Variants in STK32B observed in about 807,000 individuals in gnomAD.
STK32B encodes serine/threonine kinase 32B.
A neutral mutation model predicts 52.6 loss-of-function variants in STK32B; 43 were observed. That is an observed-to-expected ratio of 0.82 (90% CI 0.64 to 1.05). The LOEUF (loss-of-function observed/expected upper bound fraction) is 1.05. Ranked by LOEUF, STK32B falls within the 50% of genes least tolerant of loss-of-function variation. STK32B has a pLI of 0.00. For missense variants in STK32B, 621 were observed against 534.6 expected, an observed-to-expected ratio of 1.16 and a Z score of -1.59; for synonymous variants, 238 against 204.3, an observed-to-expected ratio of 1.17 and a Z score of -1.41.
At chr4:5,260,471 G>A (rs1042818009) in intron 3 of STK32B, among the ~76,000 whole-genome samples, 4 of 152,156 alleles carry the variant, frequency 2.6e-5, no homozygotes, top group Admixed American at 2.0e-4. Context: ...CCCTCAGGAC[G>A]CAAAGGACCC....
intron 1 of STK32B, among the ~76,000 whole-genome samples, chr4:5,128,478 G>A (rs918057555): frequency 2.0e-5 from 3 of 152,140 alleles, no homozygotes; most frequent in African/African-American, 4.8e-5. Context: ...GTATGAATTA[G>A]GCATATGATT....
Position 5,489,270 on chromosome 4 carries a change from A to G in STK32B, c.1107-9675A>G, listed in dbSNP as rs1481099392. ...CTATGAGAATTGAGATATTAGACAAAGCTAATCATCATTTCAAGTTTTTTC... is the reference window on the plus strand; with the variant it reads ...CTATGAGAATTGAGATATTAGACAAGGCTAATCATCATTTCAAGTTTTTTC... On this transcript the variant is annotated intron_variant, in intron 11 of 11. Transcript: ENST00000282908. 2.0e-5 allele frequency among the ~76,000 whole-genome samples: 3 copies of G among 152,034 alleles called. No homozygotes were observed. The East Asian group carries it at 5.8e-4, about 29-fold the overall frequency.
intron 9 of STK32B, among the ~76,000 whole-genome samples, chr4:5,462,481 G>A (rs866487324): frequency 7.9e-5 from 12 of 152,116 alleles, no homozygotes; most frequent in African/African-American, 2.9e-4. Flanking sequence ...AATGCTGGGG[G>A]CAGGCAGTCT....
At chr4:5,175,638 C>T (rs1719810616) in intron 3 of STK32B, among the ~76,000 whole-genome samples, 1 of 152,214 alleles carries the variant, frequency 6.6e-6, no homozygotes, top group African/African-American at 2.4e-5. Context: ...ACCGCAAATG[C>T]TGCTGCCTGA....
chr4:5,118,147 A>G (rs1714837210), intron 1 of STK32B, among the ~76,000 whole-genome samples: 1 of 152,140 alleles, frequency 6.6e-6, no homozygotes, highest in African/African-American at 2.4e-5. Context: ...TTCTTCTTTA[A>G]ATGTTTGGTA....
intron 11 of STK32B, among the ~76,000 whole-genome samples, chr4:5,494,499 A>T (rs1408972384): frequency 6.6e-6 from 1 of 152,154 alleles, no homozygotes; most frequent in Non-Finnish European, 1.5e-5. Flanking sequence ...TCCTGAATAC[A>T]GCACATGGAT....
At chr4:5,432,677 T>C (rs1713693846) in intron 6 of STK32B, among the ~76,000 whole-genome samples, 1 of 152,162 alleles carries the variant, frequency 6.6e-6, no homozygotes, top group South Asian at 2.1e-4. Flanking sequence ...AGTGGCCAAA[T>C]ATGATGGTGC....
chr4:5,132,565 A>G lies in STK32B; in HGVS notation c.53-7340A>G, dbSNP rs187595984. ...GAAGTCGCAGTAATATGGGATCACA[A>G]GCTGAGGAATGTGACACCTCTGGAA... On this transcript the variant is annotated intron_variant, in intron 1 of 11. Coordinates refer to ENST00000282908, the MANE Select transcript of STK32B (RefSeq NM_018401.3). 1.4e-4 allele frequency among the ~76,000 whole-genome samples: 22 copies of G among 152,338 alleles called. 1 individual carries two copies. Among genetic ancestry groups the G allele is most frequent in the East Asian group, 5.8e-4 (3 of 5,188 alleles).
At chr4:5,223,722 C>G (rs1424992341) in intron 3 of STK32B, among the ~76,000 whole-genome samples, 3 of 148,618 alleles carry the variant, frequency 2.0e-5, no homozygotes, top group African/African-American at 2.5e-5. Flanking sequence ...GAGGCTGAGG[C>G]AGGAGAATGG....
rs180874503 is a variant in STK32B, at chr4:5,321,067, A to C, written c.261-10153A>C. Among the ~76,000 whole-genome samples, 299 of 152,274 alleles carry C rather than the reference A, an allele frequency of 2.0e-3. 1 individual carries two copies. The highest frequency in any genetic ancestry group is 6.8e-3 in the African/African-American group (282 of 41,566). On this transcript the variant is annotated intron_variant, in intron 3 of 11. Transcript: ENST00000282908. ...GAGAGAGTACAAAAGGGCTTTGAAG[A>C]TGTGGTTGGCAAAAGGATTTCAGAG...
intron 1 of STK32B, among the ~76,000 whole-genome samples, chr4:5,085,252 A>G (rs915519381): frequency 6.6e-6 from 1 of 152,200 alleles, no homozygotes; most frequent in African/African-American, 2.4e-5. Context: ...GTGTGGTGGT[A>G]TGAATAACAA....
intron 3 of STK32B, among the ~76,000 whole-genome samples, chr4:5,267,517 A>T (rs1442787294): frequency 6.6e-6 from 1 of 152,166 alleles, no homozygotes; most frequent in Admixed American, 6.5e-5. Context: ...GTGTGGGAAG[A>T]TGAGAGCATT....
chr4:5,212,840 G>A (rs1722983109), intron 3 of STK32B, among the ~76,000 whole-genome samples: 1 of 152,162 alleles, frequency 6.6e-6, no homozygotes, highest in African/African-American at 2.4e-5. Flanking sequence ...ATCTCGATGA[G>A]TGAGAGGAAA....
intron 3 of STK32B, among the ~76,000 whole-genome samples, chr4:5,316,752 T>G (rs1412678596): frequency 4.7e-4 from 4 of 8,486 alleles, no homozygotes; most frequent in Non-Finnish European, 7.4e-4. Flanking sequence ...TAATATATAT[T>G]ATATCATATA....
chr4:5,500,857 A>G lies in STK32B; in HGVS notation c.*1774A>G, dbSNP rs1273519163. On this transcript the variant is annotated 3_prime_UTR_variant, in exon 12 of 12. Transcript: ENST00000282908. ...CCTACTGTGACCCTGGAGGCTCTTA[A>G]GATGATGATGGTTTTTTTTATTGGG... 2.6e-5 allele frequency: 4 copies of G among 152,178 alleles called. No individual in the cohort carries two copies. In the East Asian group the frequency reaches 7.7e-4, roughly 29 times the overall value. The allele number at this position is 152,178 out of a possible 1,614,324, so 9.4% of individuals were successfully genotyped here. A position where few individuals can be genotyped will look rare whatever the true frequency, so the allele number is the denominator to read the frequency against.
chr4:5,493,850 C>T lies in STK32B; in HGVS notation c.1107-5095C>T, dbSNP rs1477999085. ...TTTCGTTATGTACCCAGTAGTCATT[C>T]AGGAGCAGGTTGTTCAGTTTCCATG... On this transcript the variant is annotated intron_variant, in intron 11 of 11. Coordinates refer to ENST00000282908, the MANE Select transcript of STK32B (RefSeq NM_018401.3). 6.6e-5 allele frequency among the ~76,000 whole-genome samples: 10 copies of T among 152,262 alleles called. 1 individual carries two copies. The highest frequency in any genetic ancestry group is 6.5e-4 in the Admixed American group (10 of 15,276).
intron 4 of STK32B, among the ~76,000 whole-genome samples, chr4:5,365,045 T>C (rs1057147295): frequency 6.6e-6 from 1 of 152,096 alleles, no homozygotes; most frequent in African/African-American, 2.4e-5. Context: ...CCGGCTAATT[T>C]TTGTATTTTT....
chr4:5,412,874 A>G (rs1711814507), intron 5 of STK32B, among the ~76,000 whole-genome samples: 1 of 152,078 alleles, frequency 6.6e-6, no homozygotes, highest in Admixed American at 6.6e-5. Flanking sequence ...ATTGAGTCCG[A>G]TCATATCAAA....
intron 3 of STK32B, among the ~76,000 whole-genome samples, chr4:5,287,438 C>A (rs989426468): frequency 6.6e-6 from 1 of 151,958 alleles, no homozygotes; most frequent in East Asian, 1.9e-4. Flanking sequence ...ACTCTTCAAG[C>A]CTTTTGCCCA....
Sources: gnomAD v4.1 joint callset for allele counts (sites outside exome capture counted in the v4.1 genomes callset) on GRCh38, gnomAD v4.1.1 for gene constraint, MANE v1.5 for transcripts, NCBI Gene and HGNC (gene_info 2026-07-23, HGNC 2026-07-21) for gene names.